POC1B: variants seen among roughly 807,000 people sequenced by gnomAD.
POC1B encodes the protein POC1 centriolar protein homolog B.
Under a neutral mutation model 60.6 loss-of-function variants are expected in POC1B, and 44 were observed. The observed-to-expected ratio is 0.73, with a 90% confidence interval of 0.57 to 0.93. The LOEUF (loss-of-function observed/expected upper bound fraction) is 0.93, where lower values mean the gene tolerates loss of function less well. POC1B is among the 40% of genes least tolerant of loss of function. The pLI, the probability that POC1B is intolerant of heterozygous loss-of-function variation, is 0.00. For missense variants in POC1B, 555 were observed against 572.3 expected (o/e 0.97, Z 0.31); for synonymous variants, 180 against 198.9 (o/e 0.90, Z 0.80).
the POC1B span, among the ~76,000 whole-genome samples, chr12:89,405,901 G>A: frequency 6.6e-6 from 1 of 151,380 alleles, no homozygotes; most frequent in Non-Finnish European, 1.5e-5. Flanking sequence ...TGAGGGTGTA[G>A]TGAAATATGA....
chr12:89,444,310 T>A (rs4842657), intron 10 of POC1B, among the ~76,000 whole-genome samples: 110,509 of 151,786 alleles, frequency 0.73, 40,348 homozygotes, highest in Middle Eastern at 0.82. Context: ...GAAAAAAGAA[T>A]ATTTTAGACC....
At chr12:89,417,169 G>A (rs758905535), downstream of POC1B, among the ~76,000 whole-genome samples, 1 of 152,148 alleles carries the variant, frequency 6.6e-6, no homozygotes, top group Non-Finnish European at 1.5e-5. Context: ...TTGTAAATGA[G>A]ATACAAACTA....
Position 89,524,621 on chromosome 12 carries a change from A to C in POC1B, c.100+499T>G, listed in dbSNP as rs981442378. 6.0e-6 allele frequency: 9 copies of C among 1,499,884 alleles called. No individual in the cohort carries two copies. The African/African-American group carries it at 9.7e-5, about 16-fold the overall frequency. 92.9% of individuals were successfully genotyped at this position (1,499,884 alleles called of 1,614,324 possible). On this transcript the variant is annotated intron_variant, in intron 2 of 11. Transcript: ENST00000313546. ...GCAGGGGAAGGGCGGCGGAACCCACAGCTCGAGCTCAGGTACTTCCCAGCA... is the reference window on the plus strand; with the variant it reads ...GCAGGGGAAGGGCGGCGGAACCCACCGCTCGAGCTCAGGTACTTCCCAGCA...
At chr12:89,442,446 A>AT (rs1881569132) in intron 10 of POC1B, among the ~76,000 whole-genome samples, 1 of 152,252 alleles carries the variant, frequency 6.6e-6, no homozygotes, top group Admixed American at 6.5e-5. Context: ...GTGGGGGCCA[A>AT]TATTCAACAT....
At chr12:89,421,700 C>T (rs536601580) in intron 11 of POC1B, among the ~76,000 whole-genome samples, 1 of 152,142 alleles carries the variant, frequency 6.6e-6, no homozygotes, top group Non-Finnish European at 1.5e-5. Flanking sequence ...CATGGCAAAC[C>T]GTACCTATAG....
chr12:89,416,167 G>A (rs1880360878), downstream of POC1B, among the ~76,000 whole-genome samples: 1 of 152,220 alleles, frequency 6.6e-6, no homozygotes, highest in Non-Finnish European at 1.5e-5. Context: ...TTTTGGGTAG[G>A]TTAAGTCATA....
At chr12:89,404,323 C>G in the POC1B span, among the ~76,000 whole-genome samples, 3 of 152,076 alleles carry the variant, frequency 2.0e-5, no homozygotes, top group African/African-American at 7.2e-5. Context: ...CCATCCTGGT[C>G]CATTTATGGG....
In POC1B at chr12:89,497,183, C is replaced by T. The variant is rs1378426700; in HGVS notation, c.260G>A (p.Trp87Ter). The T allele has an allele frequency of 1.9e-6, 3 of 1,612,378 alleles. No individual in the cohort carries two copies. Among genetic ancestry groups the T allele is most frequent in the Admixed American group, 3.4e-5 (2 of 59,650 alleles). ...SASRDRTVRL[W>*]IPDKRGKFSE... ...TTGTTTCTCTTACTTATCAGGAATCCAGAGTCTCACGGTTCTGTCTCGTGA... is the reference window on the plus strand; with the variant it reads ...TTGTTTCTCTTACTTATCAGGAATCTAGAGTCTCACGGTTCTGTCTCGTGA... The change falls in exon 3 of 12, where the codon TGG (tryptophan) becomes TAG (stop). Residue 87 changes from tryptophan to a stop codon, truncating the protein, a stop_gained. Coordinates refer to ENST00000313546, the MANE Select transcript of POC1B (RefSeq NM_172240.3). LOFTEE classifies it high-confidence loss of function.
intron 10 of POC1B, chr12:89,427,312 C>T (rs983351591): frequency 1.3e-5 from 2 of 152,132 alleles, no homozygotes; most frequent in African/African-American, 4.8e-5. Context: ...ATCTTTTTAA[C>T]AAATGGCGTG....
chr12:89,405,688 G>A, the POC1B span, among the ~76,000 whole-genome samples: 1 of 152,114 alleles, frequency 6.6e-6, no homozygotes, highest in Non-Finnish European at 1.5e-5. Flanking sequence ...CGGGGCGGTG[G>A]CTCACACCTG....
rs1239624155 is a variant in POC1B, at chr12:89,525,570, T to G, written c.15+311A>C. On this transcript the variant is annotated intron_variant, in intron 1 of 11. Coordinates refer to ENST00000313546, the MANE Select transcript of POC1B (RefSeq NM_172240.3). ...TTGGTACTTTTTTTTTTTTTAATACTTCCTAGGTGATTCTGACGCAGGCGC... is the reference window on the plus strand; with the variant it reads ...TTGGTACTTTTTTTTTTTTTAATACGTCCTAGGTGATTCTGACGCAGGCGC... The G allele has an allele frequency of 1.9e-5, 25 of 1,282,174 alleles. No individual in the cohort carries two copies. In the African/African-American group the frequency reaches 3.4e-4, roughly 18 times the overall value. The allele number at this position is 1,282,174 out of a possible 1,614,324, so 79.4% of individuals were successfully genotyped here. A position where few individuals can be genotyped will look rare whatever the true frequency, so the allele number is the denominator to read the frequency against.
chr12:89,437,969 C>G (rs2120708741), intron 10 of POC1B, among the ~76,000 whole-genome samples: 1 of 149,960 alleles, frequency 6.7e-6, no homozygotes, highest in Non-Finnish European at 1.5e-5. Flanking sequence ...ATTGCTTGCT[C>G]AAACCTGGGA....
intron 10 of POC1B, among the ~76,000 whole-genome samples, chr12:89,443,442 A>G (rs1252389284): frequency 6.6e-6 from 1 of 152,188 alleles, no homozygotes; most frequent in Non-Finnish European, 1.5e-5. Context: ...ACTCAGGATT[A>G]AGAAACTCAC....
intron 10 of POC1B, among the ~76,000 whole-genome samples, chr12:89,433,529 G>A (rs981925963): frequency 2.6e-5 from 4 of 152,144 alleles, no homozygotes; most frequent in African/African-American, 7.2e-5. Flanking sequence ...GATAACAGAG[G>A]GAGAAAGGGA....
At position 89,439,295 on chromosome 12, in the gene POC1B, CT is replaced by C. The variant is rs958742215; in HGVS notation, c.1114-13917del. On this transcript the variant is annotated intron_variant, in intron 10 of 11. Transcript: ENST00000313546. ...CCCCACTCCATCTCTGGGTCCCAGA[CT>C]TTTTTTTACAGGTCCTAAAGTAACA... 1.1e-4 allele frequency among the ~76,000 whole-genome samples: 17 copies of C among 152,108 alleles called. No individual in the cohort carries two copies. In the South Asian group the frequency reaches 1.7e-3, roughly 15 times the overall value.
intron 4 of POC1B, among the ~76,000 whole-genome samples, chr12:89,474,439 C>T (rs1281266214): frequency 6.6e-6 from 1 of 152,168 alleles, no homozygotes; most frequent in South Asian, 2.1e-4. Context: ...ATGACATCAA[C>T]CAAATACTAC....
intron 2 of POC1B, among the ~76,000 whole-genome samples, chr12:89,504,211 T>A (rs1199233888): frequency 3.3e-5 from 5 of 152,268 alleles, no homozygotes; most frequent in African/African-American, 1.2e-4. Flanking sequence ...TGTTGCTGTG[T>A]CTGTGGAGAA....
chr12:89,471,768 C>CTTTTTT (rs776025659), intron 5 of POC1B, 39 bp from the exon 6 acceptor site: 133 of 820,372 alleles, frequency 1.6e-4, no homozygotes, highest in South Asian at 4.8e-4. Context: ...ATTTCAATTT[C>CTTTTTT]TTTTTTTTTT....
At chr12:89,489,821 T>A (rs1868854698) in intron 4 of POC1B, among the ~76,000 whole-genome samples, 1 of 152,172 alleles carries the variant, frequency 6.6e-6, no homozygotes, top group Non-Finnish European at 1.5e-5. Flanking sequence ...CTAGAACATA[T>A]GTTTGTATGA....
Sources: gnomAD v4.1 joint callset for allele counts (sites outside exome capture counted in the v4.1 genomes callset) on GRCh38, gnomAD v4.1.1 for gene constraint, MANE v1.5 for transcripts, NCBI Gene and HGNC (gene_info 2026-07-23, HGNC 2026-07-21) for gene names.